Variants in CCBE1 observed in about 807,000 individuals in gnomAD.
CCBE1 encodes the protein collagen and calcium binding EGF domains 1.
CCBE1 carries 37 observed loss-of-function variants against 50.0 expected under a neutral mutation model. The ratio of observed to expected loss-of-function variants is 0.74; its 90% CI spans 0.57 to 0.97. CCBE1 has a LOEUF of 0.97. CCBE1 is among the 50% of genes least tolerant of loss of function. CCBE1 has a pLI of 0.00. For synonymous variants in CCBE1, 234 were observed against 203.7 expected (o/e 1.15, Z -1.27); for missense variants, 538 against 523.8 (o/e 1.03, Z -0.26).
chr18:59,696,746 C>T (rs752143140), intron 1 of CCBE1, 37 bp from the exon 2 acceptor site: 5 of 1,605,106 alleles, frequency 3.1e-6, no homozygotes, highest in Middle Eastern at 1.7e-4. Context: ...CGATTCTCAG[C>T]GGGAGAGCGG....
intron 2 of CCBE1, among the ~76,000 whole-genome samples, chr18:59,643,571 G>T (rs2054017781): frequency 6.6e-6 from 1 of 152,170 alleles, no homozygotes; most frequent in Admixed American, 6.5e-5. Flanking sequence ...GGCCGAGGTG[G>T]ATCACTTTAG....
chr18:59,499,907 T>C (rs763463574), intron 2 of CCBE1, among the ~76,000 whole-genome samples: 2 of 152,148 alleles, frequency 1.3e-5, no homozygotes, highest in Non-Finnish European at 2.9e-5. Context: ...CCAGCTGTGG[T>C]AGAAGCTTCC....
chr18:59,451,492 G>A (rs558711175), intron 6 of CCBE1, among the ~76,000 whole-genome samples: 17 of 146,398 alleles, frequency 1.2e-4, no homozygotes, highest in South Asian at 2.2e-4. Context: ...AAGTGCTCTC[G>A]CGGGACAGAG....
At chr18:59,629,484 G>A (rs763186707) in intron 2 of CCBE1, among the ~76,000 whole-genome samples, 2 of 152,174 alleles carry the variant, frequency 1.3e-5, no homozygotes, top group Non-Finnish European at 2.9e-5. Context: ...CCTTTAGAGA[G>A]TAAGTTCCTC....
intron 2 of CCBE1, among the ~76,000 whole-genome samples, chr18:59,524,366 A>G (rs183876478): frequency 2.0e-5 from 3 of 152,238 alleles, no homozygotes; most frequent in Admixed American, 6.5e-5. Flanking sequence ...TCAAAAGACT[A>G]TTTATATTTA....
At chr18:59,537,957 T>C (rs186062089) in intron 2 of CCBE1, among the ~76,000 whole-genome samples, 52 of 152,324 alleles carry the variant, frequency 3.4e-4, no homozygotes, top group African/African-American at 1.2e-3. Context: ...ACGAGTTACT[T>C]TAAAACTCCT....
Position 59,453,739 on chromosome 18 carries a change from G to A in CCBE1, c.654+1112C>T, listed in dbSNP as rs184912762. On this transcript the variant is annotated intron_variant, in intron 6 of 10. Coordinates refer to ENST00000439986, the MANE Select transcript of CCBE1 (RefSeq NM_133459.4). ...ACCTCTCTGATGTGCTAAGAGCCTT[G>A]ACTGGAAGCCGTTAAACAAACAAAA... Among the ~76,000 whole-genome samples the A allele has an allele frequency of 2.6e-5, 4 of 152,286 alleles. No homozygotes were observed. In the East Asian group the frequency reaches 7.7e-4, roughly 29 times the overall value.
intron 5 of CCBE1, among the ~76,000 whole-genome samples, chr18:59,455,946 A>T (rs1489860663): frequency 6.6e-6 from 1 of 152,238 alleles, no homozygotes; most frequent in Non-Finnish European, 1.5e-5. Context: ...AGACTGGGGA[A>T]GTCGGGTAAT....
At chr18:59,657,871 A>ACAACAAC (rs1453047655) in intron 2 of CCBE1, among the ~76,000 whole-genome samples, 1 of 129,552 alleles carries the variant, frequency 7.7e-6, no homozygotes, top group Non-Finnish European at 1.6e-5. Flanking sequence ...AGCCTGGGCA[A>ACAACAAC]CAACAACAAA....
intron 7 of CCBE1, among the ~76,000 whole-genome samples, chr18:59,443,412 G>C (rs1910528062): frequency 1.3e-5 from 2 of 152,028 alleles, no homozygotes; most frequent in African/African-American, 4.8e-5. Context: ...AAGAGAGAGT[G>C]GGGGCCTGAC....
At chr18:59,584,569 G>A (rs1223319569) in intron 2 of CCBE1, among the ~76,000 whole-genome samples, 1 of 152,166 alleles carries the variant, frequency 6.6e-6, no homozygotes, top group Non-Finnish European at 1.5e-5. Flanking sequence ...TTGGATCACA[G>A]GGGAGGTTTC....
At chr18:59,629,311 G>T (rs1465458313) in intron 2 of CCBE1, among the ~76,000 whole-genome samples, 1 of 152,170 alleles carries the variant, frequency 6.6e-6, no homozygotes, top group Non-Finnish European at 1.5e-5. Flanking sequence ...TTGCTCAAAG[G>T]TCATCTTCAA....
At chr18:59,592,614 T>C (rs527795281) in intron 2 of CCBE1, among the ~76,000 whole-genome samples, 2 of 152,358 alleles carry the variant, frequency 1.3e-5, no homozygotes, top group South Asian at 4.1e-4. Context: ...GACAAAACTA[T>C]AGATAGATAT....
chr18:59,538,257 C>T (rs1915330362), intron 2 of CCBE1, among the ~76,000 whole-genome samples: 2 of 152,206 alleles, frequency 1.3e-5, no homozygotes, highest in African/African-American at 4.8e-5. Flanking sequence ...CTTCAAAGAA[C>T]TTCAAAGATA....
intron 2 of CCBE1, among the ~76,000 whole-genome samples, chr18:59,646,265 T>G (rs1306689320): frequency 6.6e-6 from 1 of 152,040 alleles, no homozygotes; most frequent in Non-Finnish European, 1.5e-5. Flanking sequence ...CTGTCAGAAT[T>G]TGTTGGGACC....
intron 2 of CCBE1, among the ~76,000 whole-genome samples, chr18:59,537,155 C>A (rs567113723): frequency 6.6e-6 from 1 of 152,176 alleles, no homozygotes; most frequent in East Asian, 1.9e-4. Flanking sequence ...TTTTTCAATC[C>A]ATTTTATGAT....
intron 2 of CCBE1, among the ~76,000 whole-genome samples, chr18:59,494,891 C>T (rs1413551365): frequency 3.9e-5 from 6 of 152,158 alleles, no homozygotes; most frequent in Admixed American, 2.6e-4. Context: ...CTGTGGCTCA[C>T]GCCTGTAATC....
At chr18:59,631,229 T>C (rs1599081515) in intron 2 of CCBE1, among the ~76,000 whole-genome samples, 1 of 149,676 alleles carries the variant, frequency 6.7e-6, no homozygotes, top group Admixed American at 6.6e-5. Flanking sequence ...AAAAAAGGCA[T>C]GAAGGATAGC....
chr18:59,440,826 T>C (rs1910387530), intron 7 of CCBE1, among the ~76,000 whole-genome samples: 1 of 152,144 alleles, frequency 6.6e-6, no homozygotes, highest in African/African-American at 2.4e-5. Flanking sequence ...AAATGTCCCG[T>C]TGCCCCACAA....
Sources: allele counts gnomAD v4.1 joint callset (sites outside exome capture counted in the v4.1 genomes callset), GRCh38; gene constraint gnomAD v4.1.1; transcripts MANE v1.5; gene names NCBI Gene and HGNC (gene_info 2026-07-23, HGNC 2026-07-21).